Variants in ZNF726 observed in about 807,000 individuals in gnomAD.
ZNF726 encodes the protein zinc finger protein 726, also known as zinc finger protein 92 pseudogene 3.
A neutral mutation model predicts 11.6 loss-of-function variants in ZNF726; 15 were observed. The observed-to-expected ratio is 1.29, with a 90% CI of 0.86 to 1.99. The LOEUF (loss-of-function observed/expected upper bound fraction) is 1.99. Among genes scored for constraint, ZNF726 ranks in the 30% most tolerant of loss-of-function variants. ZNF726 has a pLI of 0.00. For synonymous variants in ZNF726, 295 were observed against 243.6 expected (o/e 1.21, Z -1.96); for missense variants, 890 against 725.6 (o/e 1.23, Z -2.60).
At chr19:23,939,634 C>T (rs917700393) in intron 3 of ZNF726, among the ~76,000 whole-genome samples, 2 of 152,132 alleles carry the variant, frequency 1.3e-5, no homozygotes, top group African/African-American at 4.8e-5. Context: ...GTTTAGATTT[C>T]CACTAGAAGT....
downstream of ZNF726, chr19:23,934,545 AATTTTC>A: frequency 2.8e-6 from 1 of 357,852 alleles, no homozygotes; most frequent in Non-Finnish European, 5.5e-6. Context: ...CACTGTTCAG[AATTTTC>A]ATACAGTCTT....
chr19:23,943,404 G>A (rs1480524896), intron 3 of ZNF726: 4 of 437,430 alleles, frequency 9.1e-6, no homozygotes, highest in African/African-American at 5.9e-5. Context: ...ATATGTAGAA[G>A]CTTTCATAAT....
chr19:23,943,753 T>TA (rs1968375062), intron 4 of ZNF726: 1 of 432,708 alleles, frequency 2.3e-6, no homozygotes. Context: ...TTTTGTCCCA[T>TA]ACCCTTAAAT....
chr19:23,942,385 A>C (rs1037258883), intron 3 of ZNF726, among the ~76,000 whole-genome samples: 2 of 152,078 alleles, frequency 1.3e-5, no homozygotes, highest in African/African-American at 4.8e-5. Flanking sequence ...CTATCATATG[A>C]TCTATCTTGG....
At chr19:23,921,554 C>CT (rs1967852383) in intron 3 of ZNF726, 1 of 152,100 alleles carries the variant, frequency 6.6e-6, no homozygotes, top group Admixed American at 6.5e-5. Context: ...TGTGTCCTCT[C>CT]TAATTTTTTT....
intron 4 of ZNF726, chr19:23,944,667 C>T (rs1318114600): frequency 2.0e-5 from 4 of 198,926 alleles, no homozygotes; most frequent in South Asian, 9.9e-5. Flanking sequence ...TTTTTAGTCC[C>T]GTTTGTCTAT....
chr19:23,920,181 A>C, intron 3 of ZNF726, 99 bp downstream of exon 3: 6 of 826,450 alleles, frequency 7.3e-6, no homozygotes, highest in South Asian at 1.5e-5. Flanking sequence ...ATTCCAAAGG[A>C]AACCGTTTCT....
At chr19:23,929,236 A>G (rs1968053035) in intron 3 of ZNF726, 1 of 152,072 alleles carries the variant, frequency 6.6e-6, no homozygotes, top group South Asian at 2.1e-4. Context: ...TGCTTCAATT[A>G]TTTTTTATAT....
At chr19:23,936,494 ATG>A (rs942957802), downstream of ZNF726, among the ~76,000 whole-genome samples, 4 of 104,054 alleles carry the variant, frequency 3.8e-5, no homozygotes, top group African/African-American at 1.5e-4. Context: ...ATGTGAAAAC[ATG>A]TGACTAATTG....
exon 4 of ZNF726, chr19:23,943,539 T>C: frequency 1.5e-6 from 1 of 678,748 alleles, no homozygotes; most frequent in Non-Finnish European, 2.7e-6. Context: ...CTTGAGCAAA[T>C]AAAAGAGCCC....
In ZNF726 at chr19:23,933,060, G is replaced by T; in HGVS notation, c.944G>T (p.Cys315Phe). The T allele has an allele frequency of 6.2e-7, 1 of 1,613,738 alleles. No individual in the cohort carries two copies. The highest frequency in any genetic ancestry group is 8.5e-7 in the Non-Finnish European group (1 of 1,179,968). The change falls in exon 4 of 4, where the codon TGT (cysteine) becomes TTT (phenylalanine). Residue 315 changes from cysteine (C) to phenylalanine (F), a missense_variant. Physicochemically the swap from Cys to Phe is radical, Grantham distance 205. Coordinates refer to ENST00000594466, the MANE Select transcript of ZNF726 (RefSeq NM_001244038.2). ...RMHIGEKPYK[C>F]EECGKAFVWS... Reference sequence around the variant, plus strand: ...CACATTGGAGAGAAACCCTACAAATGTGAAGAATGTGGCAAAGCATTTGTT... The same window carrying T: ...CACATTGGAGAGAAACCCTACAAATTTGAAGAATGTGGCAAAGCATTTGTT...
intron 3 of ZNF726, among the ~76,000 whole-genome samples, chr19:23,924,952 C>G (rs1000561162): frequency 6.6e-6 from 1 of 152,028 alleles, no homozygotes; most frequent in Non-Finnish European, 1.5e-5. Flanking sequence ...ATGCAAAAGA[C>G]TTCTAGAAAT....
Position 23,934,419 on chromosome 19 carries a change from A to G in ZNF726, c.*452A>G, listed in dbSNP as rs1968193050. On this transcript the variant is annotated 3_prime_UTR_variant, in exon 4 of 4. Coordinates refer to ENST00000594466, the MANE Select transcript of ZNF726 (RefSeq NM_001244038.2). ...GAAAAATGTGTCAAAGCCTTTAAGCAGTCTTCAATCCTGAGTAACCATAAG... is the reference window on the plus strand; with the variant it reads ...GAAAAATGTGTCAAAGCCTTTAAGCGGTCTTCAATCCTGAGTAACCATAAG... 2 of 472,468 alleles carry G rather than the reference A, an allele frequency of 4.2e-6. No individual in the cohort carries two copies. The highest frequency in any genetic ancestry group is 4.3e-6 in the Non-Finnish European group (1 of 230,752). 29.3% of individuals were successfully genotyped at this position (472,468 alleles called of 1,614,324 possible). A position where few individuals can be genotyped will look rare whatever the true frequency, so the allele number is the denominator to read the frequency against.
chr19:23,930,160 AT>A (rs1260656353), intron 3 of ZNF726, among the ~76,000 whole-genome samples: 1 of 152,046 alleles, frequency 6.6e-6, no homozygotes, highest in Admixed American at 6.6e-5. Flanking sequence ...TTTATTTTGG[AT>A]TTTTTAATTT....
At chr19:23,927,044 C>G (rs1334277473) in intron 3 of ZNF726, among the ~76,000 whole-genome samples, 1 of 151,684 alleles carries the variant, frequency 6.6e-6, no homozygotes, top group Non-Finnish European at 1.5e-5. Flanking sequence ...GTGGCACTAT[C>G]TCGGCTCACT....
At chr19:23,939,370 A>G (rs774463794), downstream of ZNF726, among the ~76,000 whole-genome samples, 4 of 152,146 alleles carry the variant, frequency 2.6e-5, no homozygotes, top group Non-Finnish European at 5.9e-5. Flanking sequence ...TTGTTGATTG[A>G]TGGGCATTTT....
At chr19:23,934,725 G>C (rs529429719), downstream of ZNF726, among the ~76,000 whole-genome samples, 1 of 152,258 alleles carries the variant, frequency 6.6e-6, no homozygotes, top group South Asian at 2.1e-4. Flanking sequence ...GATATTTCTT[G>C]ATCTCTCTGA....
intron 3 of ZNF726, chr19:23,928,086 C>G (rs780061810): frequency 3.9e-5 from 6 of 152,142 alleles, no homozygotes; most frequent in African/African-American, 9.7e-5. Context: ...CAAATGAAAG[C>G]AGGTTTATTA....
In ZNF726 at chr19:23,914,939, TG is replaced by T; in HGVS notation, c.-55del. On this transcript the variant is annotated 5_prime_UTR_variant, in exon 1 of 4. Transcript: ENST00000594466. ...CTCGTCCTCACTACTCTGTGTCTTCTGCTTTTAGGGGCGCAGCCTCTGTGGC... is the reference window on the plus strand; with the variant it reads ...CTCGTCCTCACTACTCTGTGTCTTCTCTTTTAGGGGCGCAGCCTCTGTGGC... 6.2e-7 allele frequency: 1 copy of T among 1,612,496 alleles called. No homozygotes were observed.
Sources: allele counts gnomAD v4.1 joint callset (sites outside exome capture counted in the v4.1 genomes callset), GRCh38; gene constraint gnomAD v4.1.1; transcripts MANE v1.5; gene names NCBI Gene and HGNC (gene_info 2026-07-23, HGNC 2026-07-21).